The following STAU2 variants were observed in gnomAD, a reference collection of about 807,000 sequenced individuals.
STAU2 encodes the protein double-stranded RNA-binding protein Staufen homolog 2.
In STAU2, 20 loss-of-function variants were observed where a neutral mutation model predicts 65.9. The ratio of observed to expected loss-of-function variants is 0.30; its 90% CI spans 0.21 to 0.44. The LOEUF (loss-of-function observed/expected upper bound fraction) is 0.44. STAU2 is among the 20% of genes least tolerant of loss of function. The pLI, the probability that STAU2 is intolerant of heterozygous loss-of-function variation, is 1.00. For missense variants in STAU2, 558 were observed against 683.9 expected, an observed-to-expected ratio of 0.82 and a Z score of 2.05; for synonymous variants, 232 against 233.9, an observed-to-expected ratio of 0.99 and a Z score of 0.07.
In STAU2 at chr8:73,495,911, T is replaced by C. The variant is rs149989482; in HGVS notation, c.1530+56101A>G. Among the ~76,000 whole-genome samples, 202 of 151,548 alleles carry C rather than the reference T, an allele frequency of 1.3e-3. 4 individuals are homozygous for C. The highest frequency in any genetic ancestry group is 5.6e-3 in the South Asian group (27 of 4,818). On this transcript the variant is annotated intron_variant, in intron 13 of 14. Transcript: ENST00000524300. ...TCTTTTGTCTCCCCGCACACATATA[T>C]GTACACACACAAAGCTGCTCTCTTT... is the stretch of plus-strand genomic sequence containing the variant.
At chr8:73,489,435 C>T (rs1338972678) in intron 13 of STAU2, among the ~76,000 whole-genome samples, 2 of 151,698 alleles carry the variant, frequency 1.3e-5, no homozygotes, top group South Asian at 2.1e-4. Flanking sequence ...TCTAATGTAC[C>T]GTTGTCTGTC....
At chr8:73,691,554 A>T (rs761900228) in intron 4 of STAU2, among the ~76,000 whole-genome samples, 5 of 151,860 alleles carry the variant, frequency 3.3e-5, no homozygotes, top group Non-Finnish European at 7.4e-5. Context: ...GACTCAACTT[A>T]AATGTTTTTC....
chr8:73,442,730 G>A (rs1220892401), intron 13 of STAU2, among the ~76,000 whole-genome samples: 1 of 152,178 alleles, frequency 6.6e-6, no homozygotes, highest in Non-Finnish European at 1.5e-5. Flanking sequence ...AAGGTTAAAA[G>A]TATAAGAATT....
At chr8:73,500,747 C>T (rs1055711071) in intron 13 of STAU2, among the ~76,000 whole-genome samples, 5 of 151,776 alleles carry the variant, frequency 3.3e-5, no homozygotes, top group Admixed American at 6.6e-5. Flanking sequence ...AAACTTGAGA[C>T]TAATTATATG....
At chr8:73,478,718 A>G (rs953003914) in intron 13 of STAU2, among the ~76,000 whole-genome samples, 2 of 151,766 alleles carry the variant, frequency 1.3e-5, no homozygotes, top group East Asian at 1.9e-4. Flanking sequence ...TGCATTTTGC[A>G]TATTTCACCT....
At chr8:73,508,759 AT>A (rs1306179598) in intron 13 of STAU2, among the ~76,000 whole-genome samples, 1 of 152,196 alleles carries the variant, frequency 6.6e-6, no homozygotes, top group African/African-American at 2.4e-5. Flanking sequence ...ATGTGGTCTC[AT>A]GTCTATTTTT....
At chr8:73,704,729 C>T (rs926513231) in intron 4 of STAU2, among the ~76,000 whole-genome samples, 25 of 152,202 alleles carry the variant, frequency 1.6e-4, no homozygotes, top group Middle Eastern at 3.4e-3. Flanking sequence ...AGTGCAGTGG[C>T]GCGATCTCAG....
At chr8:73,578,158 C>A (rs1272750867) in intron 12 of STAU2, among the ~76,000 whole-genome samples, 1 of 152,106 alleles carries the variant, frequency 6.6e-6, no homozygotes, top group Non-Finnish European at 1.5e-5. Context: ...TATCTGATAT[C>A]TTTTTACATG....
intron 13 of STAU2, among the ~76,000 whole-genome samples, chr8:73,475,587 C>T (rs926944059): frequency 7.2e-5 from 11 of 152,030 alleles, no homozygotes; most frequent in African/African-American, 1.7e-4. Context: ...ATCTCCTGTA[C>T]GAAAGAAATC....
At chr8:73,515,265 G>A (rs1464665071) in intron 13 of STAU2, among the ~76,000 whole-genome samples, 1 of 152,210 alleles carries the variant, frequency 6.6e-6, no homozygotes, top group Non-Finnish European at 1.5e-5. Context: ...AAGGCAGGGG[G>A]TGAAGCATGA....
chr8:73,636,661 G>A (rs749053087), intron 6 of STAU2, among the ~76,000 whole-genome samples: 3 of 151,938 alleles, frequency 2.0e-5, no homozygotes, highest in Admixed American at 6.6e-5. Flanking sequence ...CTATGAGTTC[G>A]AGACCAGCCT....
Position 73,616,580 on chromosome 8 carries a change from C to T in STAU2, c.570+712G>A, listed in dbSNP as rs557644285. Among the ~76,000 whole-genome samples, 34 of 152,142 alleles carry T rather than the reference C, an allele frequency of 2.2e-4. 1 individual carries two copies. The highest frequency in any genetic ancestry group is 1.9e-3 in the South Asian group (9 of 4,822). The stretch of plus-strand genomic sequence containing the variant: ...TTAGGAGGCCGAGGCAGGCAAATCA[C>T]GAGGTCAAGAGATCGAGAACATCCT... On this transcript the variant is annotated intron_variant, in intron 7 of 14. Transcript: ENST00000524300.
chr8:73,631,085 G>A (rs1318734530), intron 6 of STAU2, among the ~76,000 whole-genome samples: 2 of 152,192 alleles, frequency 1.3e-5, no homozygotes, highest in Non-Finnish European at 2.9e-5. Flanking sequence ...GCCAGGCACA[G>A]TGGCTCACAC....
intron 3 of STAU2, among the ~76,000 whole-genome samples, chr8:73,715,798 C>A (rs1445232620): frequency 6.6e-6 from 1 of 152,198 alleles, no homozygotes; most frequent in Non-Finnish European, 1.5e-5. Context: ...GGTTAAACTA[C>A]ATGAATCATG....
chr8:73,451,430 T>C (rs1489726941), intron 13 of STAU2, among the ~76,000 whole-genome samples: 2 of 151,972 alleles, frequency 1.3e-5, no homozygotes, highest in Non-Finnish European at 2.9e-5. Context: ...GAGAACTTGT[T>C]TGGGGCCAGA....
chr8:73,511,515 G>C (rs1162418801), intron 13 of STAU2: 1 of 152,688 alleles, frequency 6.5e-6, no homozygotes, highest in Non-Finnish European at 1.5e-5. Flanking sequence ...AAAGAGTTGT[G>C]TGGCCTTGGC....
intron 13 of STAU2, among the ~76,000 whole-genome samples, chr8:73,538,287 T>C (rs528548621): frequency 1.3e-5 from 2 of 152,288 alleles, no homozygotes; most frequent in East Asian, 1.9e-4. Flanking sequence ...ATAAAGTCAG[T>C]ACTATTTTTT....
intron 9 of STAU2, among the ~76,000 whole-genome samples, chr8:73,607,588 T>C (rs1272529339): frequency 6.6e-6 from 1 of 151,296 alleles, no homozygotes. Context: ...ATACAAAAAA[T>C]TAGCCGGGCA....
At chr8:73,706,975 C>T (rs1314134454) in intron 4 of STAU2, among the ~76,000 whole-genome samples, 1 of 152,190 alleles carries the variant, frequency 6.6e-6, no homozygotes, top group Non-Finnish European at 1.5e-5. Flanking sequence ...AGAAACTTCC[C>T]AGGTAGGCTG....
Sources: gnomAD v4.1 joint callset for allele counts (sites outside exome capture counted in the v4.1 genomes callset) on GRCh38, gnomAD v4.1.1 for gene constraint, MANE v1.5 for transcripts, NCBI Gene and HGNC (gene_info 2026-07-23, HGNC 2026-07-21) for gene names.